The following PNKD variants were observed in gnomAD, a reference collection of about 807,000 sequenced individuals.
The protein encoded by PNKD is PNKD metallo-beta-lactamase domain containing.
In PNKD, 36 loss-of-function variants were observed where a neutral mutation model predicts 45.3. The observed-to-expected ratio is 0.80, with a 90% confidence interval of 0.61 to 1.05. PNKD has a LOEUF of 1.05. Among genes scored for constraint, PNKD ranks in the 50% least tolerant of loss-of-function variants. The pLI is 0.00. For synonymous variants in PNKD, 197 were observed against 210.1 expected, an observed-to-expected ratio of 0.94 and a Z score of 0.54; for missense variants, 511 against 506.6, an observed-to-expected ratio of 1.01 and a Z score of -0.08.
At chr2:218,338,019 C>T (rs570552227) in intron 2 of PNKD, among the ~76,000 whole-genome samples, 3 of 152,156 alleles carry the variant, frequency 2.0e-5, no homozygotes, top group South Asian at 2.1e-4. Flanking sequence ...TGGTGGTGCA[C>T]GCCTCTAGTC....
intron 8 of PNKD, 40 bp downstream of exon 8, chr2:218,343,626 C>G (rs374693670): frequency 2.7e-6 from 4 of 1,476,178 alleles, no homozygotes; most frequent in African/African-American, 1.4e-5. Flanking sequence ...TCCAGCCCCA[C>G]GCTCAGCCTG....
chr2:218,342,849 G>A (rs1169095197), intron 7 of PNKD, among the ~76,000 whole-genome samples: 18 of 152,088 alleles, frequency 1.2e-4, no homozygotes, highest in Non-Finnish European at 2.1e-4. Flanking sequence ...GTGAAACCCC[G>A]TCTCTACAAA....
At chr2:218,336,892 C>A (rs1013755837) in intron 2 of PNKD, among the ~76,000 whole-genome samples, 7 of 143,436 alleles carry the variant, frequency 4.9e-5, no homozygotes, top group Admixed American at 2.9e-4. Context: ...CTCCGCCTCC[C>A]AGGTTCAAGT....
intron 6 of PNKD, 50 bp from the exon 7 acceptor site, chr2:218,341,931 A>G: frequency 1.4e-6 from 2 of 1,443,122 alleles, no homozygotes; most frequent in Non-Finnish European, 2.0e-6. Context: ...GACAGGGATC[A>G]GCATGGCACA....
intron 2 of PNKD, among the ~76,000 whole-genome samples, chr2:218,336,653 G>A (rs903494412): frequency 1.3e-5 from 2 of 151,826 alleles, no homozygotes; most frequent in Non-Finnish European, 2.9e-5. Context: ...CCTAATTTTT[G>A]CATTTTTAGT....
chr2:218,339,038 CCT>C (rs1162489002), intron 2 of PNKD, among the ~76,000 whole-genome samples: 4 of 151,830 alleles, frequency 2.6e-5, no homozygotes, highest in African/African-American at 9.7e-5. Context: ...CTCAAGTGAT[CCT>C]CTCTCCTTCC....
At chr2:218,320,758 G>T (rs1693966269) in intron 2 of PNKD, among the ~76,000 whole-genome samples, 1 of 152,174 alleles carries the variant, frequency 6.6e-6, no homozygotes, top group East Asian at 1.9e-4. Context: ...AAGGCATGGG[G>T]GTGTGAAACA....
chr2:218,301,531 A>G (rs1032432217), intron 2 of PNKD, among the ~76,000 whole-genome samples: 7 of 152,188 alleles, frequency 4.6e-5, no homozygotes, highest in Non-Finnish European at 1.0e-4. Context: ...TCACACCTGT[A>G]ATTCTGCATT....
At chr2:218,270,800 G>T in intron 1 of PNKD, 198 bp downstream of exon 1, 1 of 407,390 alleles carries the variant, frequency 2.5e-6, no homozygotes, top group Non-Finnish European at 4.4e-6. Context: ...CGACACCTCC[G>T]GGGTCTTGCT....
intron 2 of PNKD, among the ~76,000 whole-genome samples, chr2:218,305,513 A>T (rs10932771): frequency 0.53 from 79,452 of 149,810 alleles, 21,692 homozygotes; most frequent in South Asian, 0.64. Flanking sequence ...ATGTCTGGCT[A>T]TTTTTTTTTT....
chr2:218,341,783 C>T (rs1297765489), intron 6 of PNKD, 157 bp downstream of exon 6: 1 of 767,732 alleles, frequency 1.3e-6, no homozygotes, highest in South Asian at 1.5e-5. Context: ...ACTGCCCATC[C>T]CCCAACTGAT....
intron 2 of PNKD, among the ~76,000 whole-genome samples, chr2:218,332,468 C>T (rs1694355305): frequency 6.6e-6 from 1 of 152,156 alleles, no homozygotes; most frequent in African/African-American, 2.4e-5. Context: ...TTAGAGAGTC[C>T]TGTGGAAGCC....
chr2:218,344,610 C>T (rs1462770747), intron 9 of PNKD, 40 bp downstream of exon 9: 7 of 1,530,406 alleles, frequency 4.6e-6, no homozygotes, highest in Non-Finnish European at 9.0e-7. Context: ...TGTGGGCAGG[C>T]ACTCAGCCCC....
intron 2 of PNKD, chr2:218,278,452 A>G: frequency 2.6e-6 from 4 of 1,531,142 alleles, no homozygotes; most frequent in Non-Finnish European, 2.7e-6. Flanking sequence ...TTCTTTCCAA[A>G]ATACTCGGCC....
In PNKD at chr2:218,271,845, T is replaced by A. The variant is rs116771035; in HGVS notation, c.236+296T>A. On this transcript the variant is annotated intron_variant, in intron 2 of 9. Transcript: ENST00000273077. ...GTGAGACCCAAGTTTAAGTAAGTAG[T>A]TCGTTGAGATCATGTGAGCTTGTAC... is the stretch of plus-strand genomic sequence containing the variant. Among the ~76,000 whole-genome samples the A allele has an allele frequency of 3.1e-3, 478 of 152,312 alleles. 1 individual carries two copies. Among genetic ancestry groups the A allele is most frequent in the Admixed American group, 7.3e-3 (111 of 15,294 alleles).
intron 2 of PNKD, chr2:218,273,018 C>T (rs1406061219): frequency 1.4e-5 from 15 of 1,078,074 alleles, no homozygotes; most frequent in Non-Finnish European, 1.8e-5. Context: ...ATGTGTGCTC[C>T]CTCTCACAGA....
chr2:218,331,242 C>T (rs189652044), intron 2 of PNKD, among the ~76,000 whole-genome samples: 28 of 152,034 alleles, frequency 1.8e-4, no homozygotes, highest in African/African-American at 6.3e-4. Context: ...TAGTGAAACC[C>T]GTCTCTACTA....
intron 2 of PNKD, among the ~76,000 whole-genome samples, chr2:218,334,472 G>A (rs1443332520): frequency 6.6e-6 from 1 of 152,064 alleles, no homozygotes; most frequent in Admixed American, 6.6e-5. Flanking sequence ...AGTAGAGCCT[G>A]GGCAATCATC....
At chr2:218,334,657 A>G (rs764869828) in intron 2 of PNKD, 3 of 701,764 alleles carry the variant, frequency 4.3e-6, no homozygotes, top group South Asian at 3.0e-5. Context: ...CCAAAAAAAG[A>G]ATTATAGATT....
Sources: gnomAD v4.1 joint callset for allele counts (sites outside exome capture counted in the v4.1 genomes callset) on GRCh38, gnomAD v4.1.1 for gene constraint, MANE v1.5 for transcripts, NCBI Gene and HGNC (gene_info 2026-07-23, HGNC 2026-07-21) for gene names.